The following GLI3 variants were observed in gnomAD, a reference collection of about 807,000 sequenced individuals.
GLI3 encodes the protein transcription activator GLI3.
GLI3 carries 20 observed loss-of-function variants against 100.8 expected under a neutral mutation model. The ratio of observed to expected loss-of-function variants is 0.20; its 90% CI spans 0.14 to 0.29. The LOEUF is 0.29. Among genes scored for constraint, GLI3 ranks in the 10% least tolerant of loss-of-function variants. The pLI is 1.00. For missense variants in GLI3, 2,040 were observed against 2,128.5 expected (o/e 0.96, Z 0.82); for synonymous variants, 938 against 860.5 (o/e 1.09, Z -1.58).
At chr7:42,060,158 GGT>G (rs1267952170) in intron 4 of GLI3, among the ~76,000 whole-genome samples, 1 of 152,180 alleles carries the variant, frequency 6.6e-6, no homozygotes, top group East Asian at 1.9e-4. Context: ...ACTGTCACAT[GGT>G]AAATTCTCAG....
chr7:42,123,194 A>G (rs532901986), intron 3 of GLI3, among the ~76,000 whole-genome samples: 1 of 152,294 alleles, frequency 6.6e-6, no homozygotes, highest in African/African-American at 2.4e-5. Context: ...CACTTTTTTC[A>G]CCAGTAATTA....
chr7:41,986,862 C>T (rs1438551418), intron 10 of GLI3, among the ~76,000 whole-genome samples: 1 of 151,052 alleles, frequency 6.6e-6, no homozygotes, highest in Non-Finnish European at 1.5e-5. Context: ...ACCCCCACCC[C>T]ACGCCTCCAA....
intron 2 of GLI3, among the ~76,000 whole-genome samples, chr7:42,218,715 G>T (rs2128700928): frequency 6.6e-6 from 1 of 152,164 alleles, no homozygotes; most frequent in African/African-American, 2.4e-5. Flanking sequence ...TATCAACTTT[G>T]GTTTCACATT....
intron 2 of GLI3, among the ~76,000 whole-genome samples, chr7:42,160,147 A>G (rs1206192447): frequency 6.6e-6 from 1 of 152,230 alleles, no homozygotes; most frequent in African/African-American, 2.4e-5. Flanking sequence ...ACATAATAGC[A>G]TATGAAAGAG....
intron 10 of GLI3, among the ~76,000 whole-genome samples, chr7:41,982,171 T>G: frequency 6.6e-6 from 1 of 152,206 alleles, no homozygotes; most frequent in East Asian, 1.9e-4. Flanking sequence ...TTATTTTTCT[T>G]TAAATGAAAT....
intron 5 of GLI3, among the ~76,000 whole-genome samples, chr7:42,046,204 G>C (rs531909623): frequency 6.6e-6 from 1 of 152,096 alleles, no homozygotes. Context: ...GCCAATTTTC[G>C]TGCAAAAGCA....
chr7:42,146,954 A>T (rs1786725287), intron 3 of GLI3, among the ~76,000 whole-genome samples: 1 of 152,228 alleles, frequency 6.6e-6, no homozygotes, highest in Non-Finnish European at 1.5e-5. Context: ...AATAAGATGG[A>T]CAAGCACTTT....
At position 41,964,425 on chromosome 7, in the gene GLI3, G is replaced by A. The variant is rs780314759; in HGVS notation, c.4648C>T (p.Leu1550=). ...GCCATGTTGGTGGTGCTCATGGACA[G>A]CGCTGGGAATGGGAGGGACGCCCGA... is the stretch of plus-strand genomic sequence containing the variant. ...TPRASLPFPA[L]SMSTTNMAIG... Residue 1550 remains leucine (L), a synonymous_variant, in exon 15 of 15, where the codon CTG becomes TTG. Transcript: ENST00000395925. 4 of 1,614,090 alleles carry A rather than the reference G, an allele frequency of 2.5e-6. No individual in the cohort carries two copies. The highest frequency in any genetic ancestry group is 2.2e-5 in the South Asian group (2 of 91,086).
At chr7:42,256,900 T>C (rs898183385) in intron 1 of GLI3, among the ~76,000 whole-genome samples, 2 of 152,202 alleles carry the variant, frequency 1.3e-5, no homozygotes, top group East Asian at 1.9e-4. Flanking sequence ...AGTCTTCCAG[T>C]CCATGAATAT....
intron 4 of GLI3, among the ~76,000 whole-genome samples, chr7:42,070,696 T>C (rs1784767402): frequency 6.6e-6 from 1 of 152,242 alleles, no homozygotes; most frequent in African/African-American, 2.4e-5. Flanking sequence ...GCTATGGTCA[T>C]GATTATATAC....
At chr7:42,045,574 C>A in intron 5 of GLI3, 44 bp from the exon 6 acceptor site, 1 of 1,598,816 alleles carries the variant, frequency 6.3e-7, no homozygotes, top group South Asian at 1.1e-5. Flanking sequence ...GAAAGAAGGT[C>A]AACTAGAAGT....
chr7:41,978,836 A>G, intron 10 of GLI3, 88 bp from the exon 11 acceptor site: 2 of 1,169,956 alleles, frequency 1.7e-6, no homozygotes, highest in Non-Finnish European at 2.5e-6. Context: ...AAATACCCCA[A>G]TCTTAAAAAT....
At chr7:42,176,825 G>A (rs1414908914) in intron 2 of GLI3, among the ~76,000 whole-genome samples, 1 of 152,194 alleles carries the variant, frequency 6.6e-6, no homozygotes, top group Non-Finnish European at 1.5e-5. Flanking sequence ...TGGGAAACCA[G>A]GCAATGCTGG....
chr7:42,191,467 A>G (rs1199616653), intron 2 of GLI3, among the ~76,000 whole-genome samples: 2 of 152,084 alleles, frequency 1.3e-5, no homozygotes, highest in African/African-American at 4.8e-5. Flanking sequence ...AGCCTGACCA[A>G]CATGGAGAAG....
chr7:42,139,403 G>A (rs965160865), intron 3 of GLI3, among the ~76,000 whole-genome samples: 13 of 152,270 alleles, frequency 8.5e-5, no homozygotes, highest in Non-Finnish European at 1.5e-4. Flanking sequence ...CTGCTGGCTG[G>A]GCATGGTGGC....
intron 1 of GLI3, among the ~76,000 whole-genome samples, chr7:42,223,672 G>T (rs1161314913): frequency 6.6e-6 from 1 of 152,194 alleles, no homozygotes; most frequent in Admixed American, 6.5e-5. Flanking sequence ...CAACTTTACA[G>T]GAAGGGGCAT....
chr7:41,972,662 T>C lies in GLI3; in HGVS notation c.1813-35A>G. On this transcript the variant is annotated intron_variant, in intron 12 of 14. Coordinates refer to ENST00000395925, the MANE Select transcript of GLI3 (RefSeq NM_000168.6). The surrounding 1 kb of genome is among the most constrained non-coding windows in gnomAD (Gnocchi z 4.4). Reference sequence around the variant, plus strand: ...CCCACAAGAACGAGGTAAGAGATTGTTATGAAAGAGACTATGCCCCAGCCC... The same window carrying C: ...CCCACAAGAACGAGGTAAGAGATTGCTATGAAAGAGACTATGCCCCAGCCC... The C allele has an allele frequency of 6.3e-7, 1 of 1,579,068 alleles. No homozygotes were observed. Among genetic ancestry groups the C allele is most frequent in the Non-Finnish European group, 8.6e-7 (1 of 1,161,278 alleles).
At chr7:42,083,511 GC>G (rs1282702137) in intron 3 of GLI3, among the ~76,000 whole-genome samples, 1 of 152,030 alleles carries the variant, frequency 6.6e-6, no homozygotes. Flanking sequence ...TTTACATATT[GC>G]CTATGGCTGC....
intron 2 of GLI3, among the ~76,000 whole-genome samples, chr7:42,181,995 T>A (rs1246863458): frequency 6.6e-6 from 1 of 152,160 alleles, no homozygotes; most frequent in Admixed American, 6.5e-5. Flanking sequence ...TTGTTTCATG[T>A]TTAGGGTCAT....
Sources: gnomAD v4.1 joint callset for allele counts (sites outside exome capture counted in the v4.1 genomes callset) on GRCh38, gnomAD v4.1.1 for gene constraint, Gnocchi (gnomAD v3.1) non-coding constraint, MANE v1.5 for transcripts, NCBI Gene and HGNC (gene_info 2026-07-23, HGNC 2026-07-21) for gene names.